TMCO4: variants seen among roughly 807,000 people sequenced by gnomAD.
TMCO4 encodes the protein transmembrane and coiled-coil domains 4, also known as transmembrane and coiled-coil domain-containing protein 4.
In TMCO4, 58 loss-of-function variants were observed where a neutral mutation model predicts 64.7. The observed-to-expected ratio is 0.90, with a 90% CI of 0.73 to 1.12. The LOEUF (loss-of-function observed/expected upper bound fraction) is 1.12, where lower values mean the gene tolerates loss of function less well. Among genes scored for constraint, TMCO4 ranks in the 50% most tolerant of loss-of-function variants. The probability of loss-of-function intolerance (pLI) is 0.00; values close to 1 mark genes in which losing one functional copy is unlikely to be tolerated. For synonymous variants in TMCO4, 325 were observed against 346.1 expected (o/e 0.94, Z 0.68); for missense variants, 780 against 825.9 (o/e 0.94, Z 0.68).
intron 13 of TMCO4, among the ~76,000 whole-genome samples, chr1:19,701,735 G>C (rs1247736103): frequency 6.6e-6 from 1 of 152,178 alleles, no homozygotes; most frequent in Non-Finnish European, 1.5e-5. Context: ...GAAGTGGGGG[G>C]TGAAGAGGAG....
intron 3 of TMCO4, among the ~76,000 whole-genome samples, chr1:19,782,161 C>A (rs562357429): frequency 2.0e-5 from 3 of 152,170 alleles, no homozygotes; most frequent in African/African-American, 4.8e-5. Flanking sequence ...ACAACCCACA[C>A]GTCTATCACA....
chr1:19,719,159 C>T (rs1389498876), intron 13 of TMCO4, among the ~76,000 whole-genome samples: 3 of 152,190 alleles, frequency 2.0e-5, no homozygotes, highest in Non-Finnish European at 2.9e-5. Flanking sequence ...GCATTCTCCT[C>T]ATGGTCCGGG....
intron 1 of TMCO4, chr1:19,799,093 C>T (rs2044475172): frequency 6.6e-6 from 1 of 152,472 alleles, no homozygotes; most frequent in Non-Finnish European, 1.5e-5. Flanking sequence ...GTGCGAAGCA[C>T]TGGGTCAGGC....
chr1:19,734,490 C>T lies in TMCO4; in HGVS notation c.1264+2882G>A, dbSNP rs1208831308. Among the ~76,000 whole-genome samples the T allele has an allele frequency of 6.6e-6, 1 of 152,150 alleles. No homozygotes were observed. Among genetic ancestry groups the T allele is most frequent in the Non-Finnish European group, 1.5e-5 (1 of 68,014 alleles). On this transcript the variant is annotated intron_variant, in intron 13 of 15. Coordinates refer to ENST00000294543, the MANE Select transcript of TMCO4 (RefSeq NM_181719.7). This position sits in a 1 kb window ranked among gnomAD's most constrained non-coding sequence, Gnocchi z 4.4. ...TCCACTCAGTTACTCATTCACTCCA[C>T]AGTTTAAAGACCTCAATCTTTCCCC...
chr1:19,720,068 C>G (rs1168014962), intron 13 of TMCO4, among the ~76,000 whole-genome samples: 2 of 127,914 alleles, frequency 1.6e-5, no homozygotes, highest in Non-Finnish European at 3.1e-5. Context: ...TGGTCTTAAA[C>G]TCCTAGGCTC....
In TMCO4 at chr1:19,771,398, CGCAAAA is replaced by C. The variant is rs760111016; in HGVS notation, c.258_263del (p.Phe87_Ala88del). ...CTGCTCCTTCACCTCCCAGGCCGCT[CGCAAAA>C]GCAGTCATGGTTGGCAAGACAGCTT... On this transcript the variant is annotated inframe_deletion, in exon 5 of 16. Transcript: ENST00000294543. 1 of 1,614,168 alleles carries C rather than the reference CGCAAAA, an allele frequency of 6.2e-7. No homozygotes were observed. Among genetic ancestry groups the C allele is most frequent in the South Asian group, 1.1e-5 (1 of 91,084 alleles).
chr1:19,690,162 G>T (rs148704684), intron 15 of TMCO4, among the ~76,000 whole-genome samples: 30 of 152,270 alleles, frequency 2.0e-4, no homozygotes, highest in Non-Finnish European at 3.8e-4. Context: ...AAAACTCCTC[G>T]CCTTGCTCAC....
intron 13 of TMCO4, among the ~76,000 whole-genome samples, chr1:19,725,347 A>G (rs960187446): frequency 6.6e-6 from 1 of 152,240 alleles, no homozygotes; most frequent in Non-Finnish European, 1.5e-5. Flanking sequence ...TTGGATGCAG[A>G]GGAGAATAAA....
intron 13 of TMCO4, among the ~76,000 whole-genome samples, chr1:19,736,132 G>A (rs528662302): frequency 3.9e-5 from 6 of 152,300 alleles, no homozygotes; most frequent in South Asian, 2.1e-4. Flanking sequence ...TTTGGCCACC[G>A]TGTTTGGAGA....
intron 4 of TMCO4, among the ~76,000 whole-genome samples, chr1:19,778,244 A>ATATT (rs142603109): frequency 0.066 from 9,617 of 146,288 alleles, 331 homozygotes; most frequent in Non-Finnish European, 0.071. Context: ...CTCATTATTT[A>ATATT]TATTTATTTA....
At chr1:19,755,119 ATCTTT>A (rs905243454) in intron 7 of TMCO4, among the ~76,000 whole-genome samples, 11 of 151,992 alleles carry the variant, frequency 7.2e-5, no homozygotes, top group East Asian at 5.8e-4. Context: ...CATTCATTCC[ATCTTT>A]TCTTTTCTTT....
intron 14 of TMCO4, among the ~76,000 whole-genome samples, chr1:19,694,868 G>A (rs1316379944): frequency 1.3e-5 from 2 of 152,208 alleles, no homozygotes. Context: ...AATATCTGCT[G>A]AATGAATGAA....
intron 4 of TMCO4, among the ~76,000 whole-genome samples, chr1:19,772,306 G>C (rs567858345): frequency 1.3e-5 from 2 of 152,190 alleles, no homozygotes; most frequent in African/African-American, 4.8e-5. Flanking sequence ...TGCCAAGGAC[G>C]TGCTTTCTGG....
At position 19,753,467 on chromosome 1, in the gene TMCO4, C is replaced by T. The variant is rs562319380; in HGVS notation, c.515+2167G>A. Among the ~76,000 whole-genome samples, 11 of 152,212 alleles carry T rather than the reference C, an allele frequency of 7.2e-5. No individual in the cohort carries two copies. In the South Asian group the frequency reaches 1.9e-3, roughly 26 times the overall value. On this transcript the variant is annotated intron_variant, in intron 7 of 15. Coordinates refer to ENST00000294543, the MANE Select transcript of TMCO4 (RefSeq NM_181719.7). ...AAGTCACTAAACAAGTGAGGGAAGC[C>T]GGGTGGCCTTAGGGCTCAGACAGGG...
intron 13 of TMCO4, among the ~76,000 whole-genome samples, chr1:19,722,845 G>A (rs77277881): frequency 0.016 from 2,393 of 152,230 alleles, 54 homozygotes; most frequent in East Asian, 0.079. Flanking sequence ...CAGTGTCAGC[G>A]GCAGGAACAC....
Position 19,780,777 on chromosome 1 carries a change from A to G in TMCO4, c.-8-11T>C. The G allele has an allele frequency of 1.3e-6, 2 of 1,546,558 alleles. No individual in the cohort carries two copies. The highest frequency in any genetic ancestry group is 2.4e-5 in the South Asian group (2 of 82,896). On this transcript the variant is annotated splice_polypyrimidine_tract_variant and intron_variant, in intron 3 of 15. Coordinates refer to ENST00000294543, the MANE Select transcript of TMCO4 (RefSeq NM_181719.7). ...TGGCCATTCCCAGCGCTGCAGGAGA[A>G]AATTCCCAGTGAGAAATGCTTCCAG...
intron 13 of TMCO4, among the ~76,000 whole-genome samples, chr1:19,735,632 A>C (rs1238017388): frequency 6.6e-6 from 1 of 152,104 alleles, no homozygotes; most frequent in Non-Finnish European, 1.5e-5. Flanking sequence ...CTGAGAGTCG[A>C]CCTCACTTCC....
intron 10 of TMCO4, 42 bp from the exon 11 acceptor site, chr1:19,740,983 C>A: frequency 1.3e-6 from 2 of 1,548,604 alleles, no homozygotes; most frequent in Non-Finnish European, 1.7e-6. Flanking sequence ...TTGTCTATGG[C>A]AGAGGATGCC....
At chr1:19,704,631 G>T (rs1439728425) in intron 13 of TMCO4, among the ~76,000 whole-genome samples, 1 of 152,200 alleles carries the variant, frequency 6.6e-6, no homozygotes, top group Non-Finnish European at 1.5e-5. Flanking sequence ...CATTCAGGGC[G>T]CCTTCTCTGC....
Sources: gnomAD v4.1 joint callset for allele counts (sites outside exome capture counted in the v4.1 genomes callset) on GRCh38, gnomAD v4.1.1 for gene constraint, Gnocchi (gnomAD v3.1) non-coding constraint, MANE v1.5 for transcripts, NCBI Gene and HGNC (gene_info 2026-07-23, HGNC 2026-07-21) for gene names.